Variants in PLCB1 observed in about 807,000 individuals in gnomAD.
The protein encoded by PLCB1 is phospholipase C beta 1, also known as 1-phosphatidylinositol 4,5-bisphosphate phosphodiesterase beta-1.
Under a neutral mutation model 161.8 loss-of-function variants are expected in PLCB1, and 46 were observed. That is an observed-to-expected ratio of 0.28 (90% CI 0.22 to 0.36). The LOEUF is 0.36. Among genes scored for constraint, PLCB1 ranks in the 10% least tolerant of loss-of-function variants. PLCB1 has a pLI of 1.00. For synonymous variants in PLCB1, 517 were observed against 503.7 expected, an observed-to-expected ratio of 1.03 and a Z score of -0.35; for missense variants, 1,016 against 1,472.5, an observed-to-expected ratio of 0.69 and a Z score of 5.07.
chr20:8,372,085 G>A (rs1986920837), intron 3 of PLCB1: 1 of 152,194 alleles, frequency 6.6e-6, no homozygotes, highest in East Asian at 1.9e-4. Context: ...GGATATAGTA[G>A]CAGGATATGT....
chr20:8,161,231 T>C (rs987242688), intron 2 of PLCB1, among the ~76,000 whole-genome samples: 1 of 152,200 alleles, frequency 6.6e-6, no homozygotes, highest in Non-Finnish European at 1.5e-5. Flanking sequence ...ATATAGTGCA[T>C]ATATGCTACA....
At chr20:8,738,593 A>T (rs13041987) in intron 20 of PLCB1, among the ~76,000 whole-genome samples, 3 of 152,240 alleles carry the variant, frequency 2.0e-5, no homozygotes, top group Non-Finnish European at 4.4e-5. Flanking sequence ...AAGAAAACAT[A>T]AATGAAATAT....
At chr20:8,848,667 C>T (rs902753761) in intron 31 of PLCB1, among the ~76,000 whole-genome samples, 6 of 152,214 alleles carry the variant, frequency 3.9e-5, no homozygotes, top group Non-Finnish European at 2.9e-5. Flanking sequence ...AAGCTACTCA[C>T]CTCATGAGGA....
At chr20:8,217,936 A>G (rs1012368941) in intron 2 of PLCB1, among the ~76,000 whole-genome samples, 1 of 152,068 alleles carries the variant, frequency 6.6e-6, no homozygotes, top group Admixed American at 6.6e-5. Context: ...CCCTTGCCAG[A>G]TGCAGGCACT....
At chr20:8,792,017 A>G (rs1239139647) in intron 31 of PLCB1, 1 of 152,580 alleles carries the variant, frequency 6.6e-6, no homozygotes, top group Non-Finnish European at 1.5e-5. Context: ...TGTAACAGTG[A>G]TTAATTTAGT....
At chr20:8,635,184 T>G (rs1440548427) in intron 4 of PLCB1, among the ~76,000 whole-genome samples, 3 of 151,976 alleles carry the variant, frequency 2.0e-5, no homozygotes, top group Admixed American at 2.0e-4. Context: ...TCAAAAACAG[T>G]AGTTTAGTCT....
chr20:8,517,937 AC>A (rs1372063127), intron 3 of PLCB1, among the ~76,000 whole-genome samples: 2 of 152,158 alleles, frequency 1.3e-5, no homozygotes, highest in Non-Finnish European at 2.9e-5. Flanking sequence ...TAATCCTAGC[AC>A]TTTGGGAGGC....
intron 25 of PLCB1, among the ~76,000 whole-genome samples, chr20:8,761,307 AC>A (rs1042412802): frequency 3.9e-5 from 6 of 152,236 alleles, no homozygotes; most frequent in African/African-American, 1.4e-4. Context: ...GGAGACAGGA[AC>A]CAAAAAGGAA....
chr20:8,138,730 G>A (rs2051372807), intron 1 of PLCB1, among the ~76,000 whole-genome samples: 1 of 152,098 alleles, frequency 6.6e-6, no homozygotes, highest in Admixed American at 6.6e-5. Flanking sequence ...ACTGAAATAG[G>A]ATATAAAGGA....
At chr20:8,409,209 G>A (rs1055957338) in intron 3 of PLCB1, among the ~76,000 whole-genome samples, 1 of 152,054 alleles carries the variant, frequency 6.6e-6, no homozygotes, top group Non-Finnish European at 1.5e-5. Flanking sequence ...GTAAGGAAAG[G>A]GCTTTTCTGT....
At chr20:8,837,009 G>A (rs1417740830) in intron 31 of PLCB1, among the ~76,000 whole-genome samples, 2 of 152,184 alleles carry the variant, frequency 1.3e-5, no homozygotes, top group Admixed American at 1.3e-4. Context: ...TATTAACTAG[G>A]AAGGAATGCG....
intron 3 of PLCB1, among the ~76,000 whole-genome samples, chr20:8,389,862 A>G (rs770319269): frequency 6.6e-6 from 1 of 152,180 alleles, no homozygotes; most frequent in Non-Finnish European, 1.5e-5. Context: ...GGGCTCCAAC[A>G]CTGATATTTT....
chr20:8,243,719 C>A (rs1980730912), intron 2 of PLCB1, among the ~76,000 whole-genome samples: 1 of 151,906 alleles, frequency 6.6e-6, no homozygotes, highest in Non-Finnish European at 1.5e-5. Flanking sequence ...GCTATGGAAT[C>A]AGAGATCAAG....
At chr20:8,789,146 G>T (rs1318005066) in intron 29 of PLCB1, among the ~76,000 whole-genome samples, 1 of 152,174 alleles carries the variant, frequency 6.6e-6, no homozygotes, top group African/African-American at 2.4e-5. Context: ...GAAAGGCCTA[G>T]GTGGGAGGAT....
chr20:8,808,273 G>A lies in PLCB1; in HGVS notation c.3423+18012G>A, dbSNP rs187264589. Among the ~76,000 whole-genome samples, 162 of 152,254 alleles carry A rather than the reference G, an allele frequency of 1.1e-3. 3 individuals carry two copies. The highest frequency in any genetic ancestry group is 1.7e-3 in the East Asian group (9 of 5,178). ...TAAGATCAAGGTGCCCGCGAGATTC[G>A]TTTCTGGGGAGGCTTCTCCTCTGGG... On this transcript the variant is annotated intron_variant, in intron 31 of 31. Coordinates refer to ENST00000338037, the MANE Select transcript of PLCB1 (RefSeq NM_015192.4).
In PLCB1 at chr20:8,884,787, T is replaced by G. The variant is rs1282266705; in HGVS notation, c.*2938T>G. ...ATCTCAAATTATTTAAAATGCATAA[T>G]TCACATTTTTGTAATAATTCTATGC... On this transcript the variant is annotated 3_prime_UTR_variant, in exon 32 of 32. Coordinates refer to ENST00000338037, the MANE Select transcript of PLCB1 (RefSeq NM_015192.4). 1 of 152,690 alleles carries G rather than the reference T, an allele frequency of 6.5e-6. No individual in the cohort carries two copies. Among genetic ancestry groups the G allele is most frequent in the African/African-American group, 2.4e-5 (1 of 41,470 alleles). The allele number at this position is 152,690 out of a possible 1,614,324, so 9.5% of individuals were successfully genotyped here.
At chr20:8,215,988 C>T (rs527281094) in intron 2 of PLCB1, among the ~76,000 whole-genome samples, 25 of 152,072 alleles carry the variant, frequency 1.6e-4, no homozygotes, top group Middle Eastern at 3.4e-3. Flanking sequence ...TTCAGTTTTG[C>T]GCTTTCTTTC....
intron 3 of PLCB1, among the ~76,000 whole-genome samples, chr20:8,545,063 A>G (rs1305274711): frequency 2.6e-5 from 4 of 152,228 alleles, no homozygotes; most frequent in East Asian, 3.9e-4. Context: ...AGATGTGTCT[A>G]AAAGTAACTT....
At chr20:8,456,246 A>C (rs1161622239) in intron 3 of PLCB1, among the ~76,000 whole-genome samples, 2 of 152,240 alleles carry the variant, frequency 1.3e-5, no homozygotes, top group African/African-American at 4.8e-5. Flanking sequence ...AGTGTCTTGA[A>C]GAATGACCTG....
Sources: allele counts gnomAD v4.1 joint callset (sites outside exome capture counted in the v4.1 genomes callset), GRCh38; gene constraint gnomAD v4.1.1; transcripts MANE v1.5; gene names NCBI Gene and HGNC (gene_info 2026-07-23, HGNC 2026-07-21).